Variants in ATP11C observed in about 807,000 individuals in gnomAD.
ATP11C encodes phospholipid-transporting ATPase IG.
A neutral mutation model predicts 97.4 loss-of-function variants in ATP11C; 36 were observed. The ratio of observed to expected loss-of-function variants is 0.37; its 90% CI spans 0.28 to 0.49. ATP11C has a LOEUF of 0.49. Ranked by LOEUF, ATP11C falls within the 20% of genes least tolerant of loss-of-function variation. The probability of loss-of-function intolerance (pLI) is 0.98; values close to 1 mark genes in which losing one functional copy is unlikely to be tolerated. For missense variants in ATP11C, 730 were observed against 824.6 expected (o/e 0.89, Z 1.40); for synonymous variants, 275 against 290.9 (o/e 0.95, Z 0.56).
Position 139,774,728 on chromosome X carries a change from C to G in ATP11C, c.2178G>C (p.Leu726Phe). Residue 726 changes from leucine (L) to phenylalanine (F), a missense_variant, in exon 19 of 30, where the codon TTG becomes TTC. Leu to Phe is a conservative substitution (Grantham distance 22, BLOSUM62 0). Coordinates refer to ENST00000682941, the MANE Select transcript of ATP11C (RefSeq NM_001353812.2). ...HELLIEYRKK[L>F]LHEFPKSTRS... Reference sequence around the variant, plus strand: ...TAGTACTTTTAGGAAACTCATGCAGCAATTTCTTGCGATATTCTATCAATA... The same window carrying G: ...TAGTACTTTTAGGAAACTCATGCAGGAATTTCTTGCGATATTCTATCAATA... The G allele has an allele frequency of 8.3e-7, 1 of 1,209,598 alleles. No individual in the cohort carries two copies. Among genetic ancestry groups the G allele is most frequent in the Non-Finnish European group, 1.1e-6 (1 of 893,784 alleles).
intron 1 of ATP11C, among the ~76,000 whole-genome samples, chrX:139,894,278 T>C (rs749361192): frequency 1.8e-5 from 2 of 112,372 alleles, no homozygotes; most frequent in Non-Finnish European, 3.8e-5. Flanking sequence ...AATAAGGAGG[T>C]TGCTTTATCC....
chrX:139,935,176 G>T (rs2085511491), upstream of ATP11C, among the ~76,000 whole-genome samples: 1 of 112,172 alleles, frequency 8.9e-6, no homozygotes, highest in African/African-American at 3.2e-5. Context: ...AAATATTAGA[G>T]ACCTGAAATT....
intron 1 of ATP11C, among the ~76,000 whole-genome samples, chrX:139,850,445 A>G: frequency 8.9e-6 from 1 of 111,839 alleles, no homozygotes; most frequent in East Asian, 2.8e-4. Context: ...AATGTGGCTG[A>G]ATTGTGTGCA....
Position 139,738,235 on chromosome X carries a change from C to T in ATP11C, c.3135-166G>A, listed in dbSNP as rs1231418814. On this transcript the variant is annotated intron_variant, in intron 27 of 29. Transcript: ENST00000682941. ...CAAAGTAATAAACAAATTTCATTTA[C>T]CAAATGTTTGGAAAAAAAGGAATGA... 7.2e-5 allele frequency among the ~76,000 whole-genome samples: 8 copies of T among 111,082 alleles called. No homozygotes were observed. In the South Asian group the frequency reaches 1.1e-3, roughly 16 times the overall value.
intron 15 of ATP11C, 22 bp from the exon 16 acceptor site, chrX:139,785,321 T>G: frequency 9.1e-7 from 1 of 1,098,720 alleles, no homozygotes; most frequent in Non-Finnish European, 1.2e-6. Context: ...ATGAGCAAAG[T>G]AAAAAACCTA....
rs2081264197 is a variant in ATP11C, at chrX:139,727,025, C to T, written c.*1941G>A. The T allele has an allele frequency of 9.0e-6, 1 of 111,680 alleles. No homozygotes were observed. The highest frequency in any genetic ancestry group is 9.6e-5 in the Admixed American group (1 of 10,455). The allele number at this position is 111,680 out of a possible 1,213,427, so 9.2% of individuals were successfully genotyped here. On this transcript the variant is annotated 3_prime_UTR_variant, in exon 30 of 30. Transcript: ENST00000682941. ...AATGTAATGTGTAGCTGAGACATAA[C>T]TCTAAATCCCCCTTACTCCTTGTCT...
chrX:139,883,805 A>G (rs1326639667), intron 1 of ATP11C, among the ~76,000 whole-genome samples: 1 of 111,841 alleles, frequency 8.9e-6, no homozygotes, highest in African/African-American at 3.2e-5. Flanking sequence ...AGATATCAAA[A>G]CCTAAATATC....
chrX:139,908,976 T>A (rs2085025877), intron 1 of ATP11C, among the ~76,000 whole-genome samples: 1 of 112,124 alleles, frequency 8.9e-6, no homozygotes, highest in Admixed American at 9.5e-5. Flanking sequence ...CTTTCTCAGG[T>A]CAAAGTTTCA....
intron 1 of ATP11C, among the ~76,000 whole-genome samples, chrX:139,872,554 A>G (rs932201921): frequency 6.5e-5 from 6 of 92,685 alleles, no homozygotes; most frequent in African/African-American, 2.9e-4. Flanking sequence ...GATGTTCCCC[A>G]CCCTGTGTCC....
chrX:139,773,660 A>G (rs1471372297), intron 19 of ATP11C, among the ~76,000 whole-genome samples: 1 of 112,764 alleles, frequency 8.9e-6, no homozygotes, highest in African/African-American at 3.2e-5. Flanking sequence ...CCTATTTATT[A>G]TCACTGATGC....
intron 1 of ATP11C, among the ~76,000 whole-genome samples, chrX:139,913,888 T>C (rs560598384): frequency 3.6e-5 from 4 of 111,596 alleles, no homozygotes; most frequent in Non-Finnish European, 1.9e-5. Context: ...ATCCAAAGTA[T>C]ATAAAATTCA....
At chrX:139,811,921 A>T (rs1260379026) in intron 5 of ATP11C, among the ~76,000 whole-genome samples, 1 of 111,993 alleles carries the variant, frequency 8.9e-6, no homozygotes, top group East Asian at 2.8e-4. Flanking sequence ...AATGGTGACT[A>T]CTATTTTTAT....
At chrX:139,762,860 C>T (rs868777284) in intron 21 of ATP11C, among the ~76,000 whole-genome samples, 12 of 111,564 alleles carry the variant, frequency 1.1e-4, no homozygotes, top group African/African-American at 3.9e-4. Context: ...TTCAACACTA[C>T]AGCCCAAACC....
At chrX:139,855,076 TTAA>T (rs2084067757) in intron 1 of ATP11C, among the ~76,000 whole-genome samples, 1 of 112,224 alleles carries the variant, frequency 8.9e-6, no homozygotes, top group African/African-American at 3.2e-5. Context: ...AAGTTTAAAA[TTAA>T]TAACACACTA....
At chrX:139,863,673 G>C (rs930376567) in intron 1 of ATP11C, among the ~76,000 whole-genome samples, 3 of 112,046 alleles carry the variant, frequency 2.7e-5, no homozygotes, top group Non-Finnish European at 5.6e-5. Flanking sequence ...TCCAGAGTTA[G>C]AGTAGAAACT....
intron 1 of ATP11C, among the ~76,000 whole-genome samples, chrX:139,912,192 A>C (rs1249850543): frequency 9.2e-6 from 1 of 108,956 alleles, no homozygotes; most frequent in Non-Finnish European, 1.9e-5. Context: ...AAAAAAAAAA[A>C]AAACTTAGCA....
intron 1 of ATP11C, among the ~76,000 whole-genome samples, chrX:139,917,695 A>C (rs1018341923): frequency 9.0e-5 from 10 of 111,702 alleles, no homozygotes; most frequent in Non-Finnish European, 1.9e-4. Flanking sequence ...GGTGGTTCCC[A>C]CTTGTAATCC....
intron 1 of ATP11C, among the ~76,000 whole-genome samples, chrX:139,901,304 T>C (rs2084896106): frequency 8.9e-6 from 1 of 111,950 alleles, no homozygotes; most frequent in African/African-American, 3.2e-5. Flanking sequence ...GACAAGTAGA[T>C]ATCCCTGTGT....
intron 1 of ATP11C, among the ~76,000 whole-genome samples, chrX:139,917,484 GCAA>G (rs1469234792): frequency 1.8e-5 from 2 of 111,434 alleles, no homozygotes; most frequent in Non-Finnish European, 3.8e-5. Flanking sequence ...CTACAACTGA[GCAA>G]CAACAAAAAA....
Sources: allele counts gnomAD v4.1 joint callset (sites outside exome capture counted in the v4.1 genomes callset), GRCh38; gene constraint gnomAD v4.1.1; transcripts MANE v1.5; gene names NCBI Gene and HGNC (gene_info 2026-07-23, HGNC 2026-07-21).